Variants in SYNPR observed in about 807,000 individuals in gnomAD.
The protein encoded by SYNPR is synaptoporin.
A neutral mutation model predicts 32.9 loss-of-function variants in SYNPR; 23 were observed. That is an observed-to-expected ratio of 0.70 (90% CI 0.50 to 0.99). SYNPR has a LOEUF of 0.99. Ranked by LOEUF, SYNPR falls within the 50% of genes least tolerant of loss-of-function variation. SYNPR has a pLI of 0.00. For missense variants in SYNPR, 318 were observed against 349.3 expected, an observed-to-expected ratio of 0.91 and a Z score of 0.71; for synonymous variants, 146 against 135.9, an observed-to-expected ratio of 1.07 and a Z score of -0.52.
At chr3:63,430,534 C>A (rs1699974165) in intron 2 of SYNPR, among the ~76,000 whole-genome samples, 1 of 152,118 alleles carries the variant, frequency 6.6e-6, no homozygotes, top group African/African-American at 2.4e-5. Context: ...AGAAAAGCAC[C>A]TCCTAGACCT....
intron 3 of SYNPR, among the ~76,000 whole-genome samples, chr3:63,522,546 A>T (rs962264196): frequency 7.1e-4 from 21 of 29,646 alleles, no homozygotes; most frequent in Non-Finnish European, 1.0e-3. Context: ...CTAAATATGC[A>T]CATTGGCTTT....
rs7629371 is a variant in SYNPR at position 63,434,647 on chromosome 3, T to C, written c.85-46185T>C. On this transcript the variant is annotated intron_variant, in intron 2 of 5. Transcript: ENST00000478300. ...ACTGGACCTCAGGGATTCTTTCTGA[T>C]ATAAAGTCTTAATCCTTAATCATAG... is the stretch of plus-strand genomic sequence containing the variant. Among the ~76,000 whole-genome samples the C allele has an allele frequency of 5.8e-3, 886 of 152,320 alleles. 7 individuals are homozygous for C. Among genetic ancestry groups the C allele is most frequent in the African/African-American group, 0.02 (821 of 41,568 alleles).
rs1231512982 is a variant in SYNPR at position 63,494,488 on chromosome 3, CATATAT to C, written c.209+13536_209+13541del. Among the ~76,000 whole-genome samples the C allele has an allele frequency of 1.6e-4, 19 of 116,418 alleles. No homozygotes were observed. In the East Asian group the frequency reaches 1.9e-3, roughly 12 times the overall value. The allele number at this position is 116,418 out of a possible 152,430, so 76.4% of individuals were successfully genotyped here. A position where few individuals can be genotyped will look rare whatever the true frequency, so the allele number is the denominator to read the frequency against. On this transcript the variant is annotated intron_variant, in intron 3 of 5. Transcript: ENST00000478300. The stretch of plus-strand genomic sequence containing the variant: ...ATATACACATATATACATATATATA[CATATAT>C]ATACATATATACATATATACATATA...
rs148173214 is a variant in SYNPR at position 63,472,764 on chromosome 3, T to C, written c.85-8068T>C. On this transcript the variant is annotated intron_variant, in intron 2 of 5. Transcript: ENST00000478300. ...TGTAATCAGTGTGGCCTTTCTAAAC[T>C]GCAATTTTTTTAATGCCTCTCCCTT... 3.7e-3 allele frequency among the ~76,000 whole-genome samples: 556 copies of C among 152,242 alleles called. 6 individuals carry two copies. Among genetic ancestry groups the C allele is most frequent in the Admixed American group, 0.027 (406 of 15,292 alleles).
At chr3:63,435,814 A>C (rs922228246) in intron 2 of SYNPR, among the ~76,000 whole-genome samples, 5 of 152,208 alleles carry the variant, frequency 3.3e-5, no homozygotes, top group Non-Finnish European at 1.5e-5. Context: ...GTCTAGGCCA[A>C]TATGTTCATA....
chr3:63,418,662 C>T (rs969933270), intron 2 of SYNPR, among the ~76,000 whole-genome samples: 39 of 152,206 alleles, frequency 2.6e-4, no homozygotes, highest in Non-Finnish European at 2.1e-4. Flanking sequence ...CCACGTCTTA[C>T]ACAACATGGC....
chr3:63,479,291 A>G (rs1193049023), intron 2 of SYNPR, among the ~76,000 whole-genome samples: 1 of 152,198 alleles, frequency 6.6e-6, no homozygotes, highest in Non-Finnish European at 1.5e-5. Flanking sequence ...GTTAACATTG[A>G]TTGAGAGCTT....
intron 3 of SYNPR, among the ~76,000 whole-genome samples, chr3:63,267,641 A>G (rs2086501473): frequency 6.6e-6 from 1 of 152,188 alleles, no homozygotes; most frequent in Admixed American, 6.5e-5. Flanking sequence ...GGAGAGAAAG[A>G]AGCAAATCCC....
chr3:63,591,832 A>T (rs530352823), intron 4 of SYNPR, among the ~76,000 whole-genome samples: 2 of 143,752 alleles, frequency 1.4e-5, no homozygotes, highest in African/African-American at 2.6e-5. Context: ...GGGGAGGGAT[A>T]GCATTGGGAG....
intron 2 of SYNPR, among the ~76,000 whole-genome samples, chr3:63,298,955 A>C (rs1272214396): frequency 6.6e-6 from 1 of 152,174 alleles, no homozygotes; most frequent in Non-Finnish European, 1.5e-5. Context: ...CCTCCAACAA[A>C]ACTTGTTAAG....
chr3:63,457,231 C>A (rs915865390), intron 2 of SYNPR, among the ~76,000 whole-genome samples: 10 of 152,132 alleles, frequency 6.6e-5, no homozygotes, highest in African/African-American at 2.4e-4. Flanking sequence ...CTCTTCAGTG[C>A]TTTCTCTTTG....
intron 2 of SYNPR, among the ~76,000 whole-genome samples, chr3:63,256,748 G>A (rs1032523881): frequency 6.6e-6 from 1 of 152,170 alleles, no homozygotes; most frequent in Non-Finnish European, 1.5e-5. Flanking sequence ...AGAGAAGAAG[G>A]CTTCAGATGA....
chr3:63,462,919 C>T (rs932851215), intron 2 of SYNPR, among the ~76,000 whole-genome samples: 9 of 152,212 alleles, frequency 5.9e-5, no homozygotes, highest in South Asian at 2.1e-4. Context: ...AACATACAGG[C>T]CCTGGCCACC....
chr3:63,606,341 C>T (rs1375935545), intron 4 of SYNPR, among the ~76,000 whole-genome samples: 1 of 148,214 alleles, frequency 6.7e-6, no homozygotes, highest in Admixed American at 6.8e-5. Context: ...TCCTTGACTT[C>T]AATCAGAAGC....
chr3:63,251,866 C>T (rs2086334787), intron 1 of SYNPR, among the ~76,000 whole-genome samples: 1 of 151,664 alleles, frequency 6.6e-6, no homozygotes, highest in South Asian at 2.1e-4. Flanking sequence ...AAGGAAAACC[C>T]TGAACTCACA....
At chr3:63,462,832 AC>A (rs1423212643) in intron 2 of SYNPR, among the ~76,000 whole-genome samples, 1 of 152,140 alleles carries the variant, frequency 6.6e-6, no homozygotes, top group Non-Finnish European at 1.5e-5. Flanking sequence ...AAGTCAAAAC[AC>A]CATAAAATTT....
At chr3:63,343,078 G>A (rs1225101416) in intron 2 of SYNPR, among the ~76,000 whole-genome samples, 1 of 152,148 alleles carries the variant, frequency 6.6e-6, no homozygotes, top group African/African-American at 2.4e-5. Flanking sequence ...TCGGGCAGAG[G>A]GAGAAGTTAG....
chr3:63,390,479 A>G (rs2088117920), intron 2 of SYNPR, among the ~76,000 whole-genome samples: 1 of 152,202 alleles, frequency 6.6e-6, no homozygotes, highest in African/African-American at 2.4e-5. Context: ...TGTCATCACC[A>G]ACTGCTTCCT....
At chr3:63,294,996 A>T (rs982066118) in intron 2 of SYNPR, among the ~76,000 whole-genome samples, 1 of 152,140 alleles carries the variant, frequency 6.6e-6, no homozygotes, top group East Asian at 1.9e-4. Context: ...ATAGAGTGTT[A>T]TTGCACCATC....
Sources: gnomAD v4.1 joint callset for allele counts (sites outside exome capture counted in the v4.1 genomes callset) on GRCh38, gnomAD v4.1.1 for gene constraint, MANE v1.5 for transcripts, NCBI Gene and HGNC (gene_info 2026-07-23, HGNC 2026-07-21) for gene names.